Variants in EPHX1 observed in about 807,000 individuals in gnomAD.
EPHX1 encodes epoxide hydratase.
In EPHX1, 40 loss-of-function variants were observed where a neutral mutation model predicts 43.2. The ratio of observed to expected loss-of-function variants is 0.93; its 90% CI spans 0.72 to 1.21. The LOEUF is 1.21. Ranked by LOEUF, EPHX1 falls within the 50% of genes most tolerant of loss-of-function variation. The pLI, the probability that EPHX1 is intolerant of heterozygous loss-of-function variation, is 0.00. For missense variants in EPHX1, 550 were observed against 570.4 expected (o/e 0.96, Z 0.36); for synonymous variants, 221 against 226.7 (o/e 0.98, Z 0.22).
chr1:225,823,750 T>G (rs1157321999), intron 1 of EPHX1, among the ~76,000 whole-genome samples: 2 of 152,122 alleles, frequency 1.3e-5, no homozygotes, highest in Non-Finnish European at 2.9e-5. Context: ...TCTGCCGCCT[T>G]GGGTTCCTGC....
Position 225,842,250 on chromosome 1 carries a change from C to CT in EPHX1, c.932-116_932-115insT, listed in dbSNP as rs1559026324. 9 of 792,514 alleles carry CT rather than the reference C, an allele frequency of 1.1e-5. No homozygotes were observed. The African/African-American group carries it at 1.2e-4, about 10-fold the overall frequency. The allele number at this position is 792,514 out of a possible 1,614,324, so 49.1% of individuals were successfully genotyped here. ...GAGTTAAGGCAGGCCTGTGCTCGAA[C>CT]GTGGCTTCCTGCACACAGCCCCGCC... is the stretch of plus-strand genomic sequence containing the variant. On this transcript the variant is annotated intron_variant, in intron 6 of 8. Coordinates refer to ENST00000272167, the MANE Select transcript of EPHX1 (RefSeq NM_001136018.4).
chr1:225,845,176 T>G lies in EPHX1; in HGVS notation c.1197T>G (p.Ser399=), dbSNP rs780566723. 6.2e-7 allele frequency: 1 copy of G among 1,614,160 alleles called. No homozygotes were observed. Among genetic ancestry groups the G allele is most frequent in the Non-Finnish European group, 8.5e-7 (1 of 1,180,022 alleles). ...AGGTCTATGTGCCCACTGGCTTCTC[T>G]GCCTTCCCTTTTGAGCTATTGCACA... is the stretch of plus-strand genomic sequence containing the variant. The part of the protein sequence containing the change: ...RMKVYVPTGF[S]AFPFELLHTP... The change falls in exon 9 of 9, where the codon TCT becomes TCG. Residue 399 remains serine, a synonymous_variant. Transcript: ENST00000272167.
Position 225,817,144 on chromosome 1 carries a change from A to G in EPHX1, c.-6+6975A>G, listed in dbSNP as rs1384373648. On this transcript the variant is annotated intron_variant, in intron 1 of 8. Coordinates refer to ENST00000272167, the MANE Select transcript of EPHX1 (RefSeq NM_001136018.4). The surrounding 1 kb of genome is among the most constrained non-coding windows in gnomAD (Gnocchi z 5.7). ...AAACACGGCCATTGGCCTGGTGCAC[A>G]ATCCCAGCTTGCCTGCATCCGGCCT... is the stretch of plus-strand genomic sequence containing the variant. 6.6e-6 allele frequency among the ~76,000 whole-genome samples: 1 copy of G among 152,032 alleles called. No homozygotes were observed. The highest frequency in any genetic ancestry group is 1.5e-5 in the Non-Finnish European group (1 of 67,994).
rs56300109 is a variant in EPHX1, at chr1:225,839,874, C to A, written c.768C>A (p.Asn256Lys). ...TGAACATGGCTTTGGTTTTAAGCAA[C>A]TTCTCTACCCTGACCCTCCTCCTGG... is the stretch of plus-strand genomic sequence containing the variant. ...LHLNMALVLS[N>K]FSTLTLLLGQ... The change falls in exon 6 of 9, where the codon AAC becomes AAA. Residue 256 changes from asparagine to lysine, a missense_variant. By Grantham distance (94) the Asn-to-Lys change is moderately conservative. Transcript: ENST00000272167. The A allele has an allele frequency of 6.1e-4, 989 of 1,614,194 alleles. 4 individuals are homozygous for A. The highest frequency in any genetic ancestry group is 2.5e-3 in the Middle Eastern group (15 of 6,050).
At chr1:225,842,040 C>T (rs559010310) in intron 6 of EPHX1, among the ~76,000 whole-genome samples, 25 of 152,348 alleles carry the variant, frequency 1.6e-4, no homozygotes, top group African/African-American at 5.8e-4. Flanking sequence ...TGAAAAACCC[C>T]GCCTTTTTAA....
At chr1:225,811,159 A>G (rs930773640) in intron 1 of EPHX1, among the ~76,000 whole-genome samples, 4 of 152,142 alleles carry the variant, frequency 2.6e-5, no homozygotes, top group African/African-American at 9.7e-5. Flanking sequence ...AACCTGAGCA[A>G]AAGCGCCGCG....
chr1:225,824,928 G>A (rs904536119), intron 1 of EPHX1, among the ~76,000 whole-genome samples: 2 of 152,198 alleles, frequency 1.3e-5, no homozygotes, highest in African/African-American at 4.8e-5. Flanking sequence ...GTTACTAGGT[G>A]GCAAAGTAAC....
chr1:225,811,680 G>A (rs1335673162), intron 1 of EPHX1, among the ~76,000 whole-genome samples: 1 of 152,214 alleles, frequency 6.6e-6, no homozygotes, highest in Non-Finnish European at 1.5e-5. Context: ...CCTTCAGGGA[G>A]CTAGGTTTGG....
intron 3 of EPHX1, among the ~76,000 whole-genome samples, chr1:225,835,580 G>A (rs1397013502): frequency 1.3e-5 from 2 of 151,844 alleles, no homozygotes; most frequent in South Asian, 2.1e-4. Context: ...TAGTAGAGAC[G>A]GGGTTTCACC....
intron 7 of EPHX1, 139 bp from the exon 8 acceptor site, chr1:225,844,359 G>A (rs1668724783): frequency 7.5e-7 from 1 of 1,339,872 alleles, no homozygotes. Flanking sequence ...TGTGACACGA[G>A]GATACCACAC....
chr1:225,830,786 A>G (rs1667539587), intron 2 of EPHX1, among the ~76,000 whole-genome samples: 1 of 152,136 alleles, frequency 6.6e-6, no homozygotes, highest in Admixed American at 6.6e-5. Context: ...TTTTATCCCA[A>G]CTCAGTTATA....
intron 2 of EPHX1, among the ~76,000 whole-genome samples, chr1:225,830,584 C>CCT (rs1252124475): frequency 6.6e-6 from 1 of 152,200 alleles, no homozygotes; most frequent in African/African-American, 2.4e-5. Flanking sequence ...CCTGCCTCAG[C>CCT]CTCCCAAGTA....
rs942252765 is a variant in EPHX1 at position 225,838,426 on chromosome 1, G to A, written c.365-228G>A. Among the ~76,000 whole-genome samples, 4 of 152,160 alleles carry A rather than the reference G, an allele frequency of 2.6e-5. No homozygotes were observed. The East Asian group carries it at 5.8e-4, about 22-fold the overall frequency. Reference sequence around the variant, plus strand: ...CTAAGGAAACCGGGAGGCAATAATCGTAGCTCCCTTGCAGGGAGGTTGTGA... The same window carrying A: ...CTAAGGAAACCGGGAGGCAATAATCATAGCTCCCTTGCAGGGAGGTTGTGA... On this transcript the variant is annotated intron_variant, in intron 3 of 8. Transcript: ENST00000272167.
chr1:225,839,185 C>T (rs770268699), intron 4 of EPHX1, 32 bp from the exon 5 acceptor site: 15 of 1,613,760 alleles, frequency 9.3e-6, no homozygotes, highest in Admixed American at 8.3e-5. Context: ...CCTGTGACTC[C>T]GTGACTCCAT....
Position 225,815,210 on chromosome 1 carries a change from C to G in EPHX1, c.-6+5041C>G, listed in dbSNP as rs566257892. Among the ~76,000 whole-genome samples, 4 of 90,958 alleles carry G rather than the reference C, an allele frequency of 4.4e-5. 1 individual carries two copies. The highest frequency in any genetic ancestry group is 1.1e-4 in the Non-Finnish European group (4 of 35,628). 59.7% of individuals were successfully genotyped at this position (90,958 alleles called of 152,430 possible). A position where few individuals can be genotyped will look rare whatever the true frequency, so the allele number is the denominator to read the frequency against. On this transcript the variant is annotated intron_variant, in intron 1 of 8. Transcript: ENST00000272167. ...AGACCCTACCAGGAAGGCTGCTATC[C>G]GGGTCATAGTGATACCCTGTCAGGA...
intron 1 of EPHX1, among the ~76,000 whole-genome samples, chr1:225,824,618 G>A (rs1363458070): frequency 1.3e-5 from 2 of 152,236 alleles, no homozygotes; most frequent in Non-Finnish European, 2.9e-5. Context: ...TAAGAGGAAA[G>A]CAAAGGTTTG....
chr1:225,840,020 C>G lies in EPHX1; in HGVS notation c.914C>G (p.Thr305Ser), dbSNP rs1271943329. 1 of 1,614,028 alleles carries G rather than the reference C, an allele frequency of 6.2e-7. No individual in the cohort carries two copies. The highest frequency in any genetic ancestry group is 2.2e-5 in the East Asian group (1 of 44,868). ...RESGYMHIQC[T>S]KPDTVGSALN... ...AGCGGCTACATGCACATCCAGTGCA[C>G]CAAGCCTGACACCGTAGGTGAGTGT... The change falls in exon 6 of 9, where the codon ACC becomes AGC. Residue 305 changes from threonine to serine, a missense_variant. Coordinates refer to ENST00000272167, the MANE Select transcript of EPHX1 (RefSeq NM_001136018.4).
At chr1:225,843,445 C>T (rs545087759) in intron 7 of EPHX1, among the ~76,000 whole-genome samples, 78 of 152,326 alleles carry the variant, frequency 5.1e-4, no homozygotes, top group Non-Finnish European at 6.5e-4. Flanking sequence ...TCACCTCCTC[C>T]AAGAGCCTCA....
intron 3 of EPHX1, among the ~76,000 whole-genome samples, chr1:225,836,740 ACT>A (rs1269664841): frequency 2.0e-5 from 3 of 152,226 alleles, no homozygotes; most frequent in Admixed American, 2.0e-4. Flanking sequence ...AAATAGTCAA[ACT>A]CAGCAGAAGC....
Sources: allele counts gnomAD v4.1 joint callset (sites outside exome capture counted in the v4.1 genomes callset), GRCh38; gene constraint gnomAD v4.1.1; non-coding constraint Gnocchi (gnomAD v3.1); transcripts MANE v1.5; gene names NCBI Gene and HGNC (gene_info 2026-07-23, HGNC 2026-07-21).